Variants in CD48 observed in about 807,000 individuals in gnomAD.
CD48 encodes CD48 molecule, also known as CD48 antigen.
Under a neutral mutation model 22.0 loss-of-function variants are expected in CD48, and 20 were observed. That is an observed-to-expected ratio of 0.91 (90% CI 0.64 to 1.32). The LOEUF is 1.32. Ranked by LOEUF, CD48 falls within the 40% of genes most tolerant of loss-of-function variation. The pLI is 0.00. For missense variants in CD48, 307 were observed against 286.5 expected (o/e 1.07, Z -0.52); for synonymous variants, 110 against 110.1 (o/e 1.00, Z 0.01).
chr1:160,687,781 G>A (rs1298893541), intron 1 of CD48, among the ~76,000 whole-genome samples: 1 of 152,316 alleles, frequency 6.6e-6, no homozygotes, highest in East Asian at 1.9e-4. Context: ...GGAGCCCCCA[G>A]TAGACTTAAT....
chr1:160,684,128 G>A (rs1293534905), intron 2 of CD48: 1 of 152,166 alleles, frequency 6.6e-6, no homozygotes. Context: ...TGAAGCTAGG[G>A]GTTCTGGCCC....
intron 1 of CD48, among the ~76,000 whole-genome samples, chr1:160,701,176 A>T (rs1317874493): frequency 1.0e-4 from 1 of 9,572 alleles, no homozygotes; most frequent in Non-Finnish European, 3.2e-4. Flanking sequence ...AAAGCAATAT[A>T]AAAAAAAATC....
At chr1:160,711,633 G>T in intron 1 of CD48, 49 bp downstream of exon 1, 1 of 1,401,134 alleles carries the variant, frequency 7.1e-7, no homozygotes, top group Non-Finnish European at 1.0e-6. Flanking sequence ...TTTCCCAACT[G>T]ACCATGCCTT....
chr1:160,680,719 G>A (rs955175102), intron 3 of CD48: 10 of 1,020,384 alleles, frequency 9.8e-6, no homozygotes, highest in East Asian at 1.8e-4. Flanking sequence ...CCTCCTCGAC[G>A]GCCTCTCTCA....
At chr1:160,681,642 T>C (rs1223267276) in intron 2 of CD48, among the ~76,000 whole-genome samples, 174 bp from the exon 3 acceptor site, 1 of 152,198 alleles carries the variant, frequency 6.6e-6, no homozygotes, top group African/African-American at 2.4e-5. Context: ...TCCTGAGGCC[T>C]CACAGACTCA....
At chr1:160,687,945 G>T (rs989597311) in intron 1 of CD48, among the ~76,000 whole-genome samples, 23 of 152,178 alleles carry the variant, frequency 1.5e-4, no homozygotes, top group Admixed American at 1.5e-3. Context: ...TACCTAGAAG[G>T]TGTCCTTTGA....
Position 160,678,828 on chromosome 1 carries a change from G to A in CD48, c.*224C>T, listed in dbSNP as rs1661701536. On this transcript the variant is annotated 3_prime_UTR_variant, in exon 4 of 4. Coordinates refer to ENST00000368046, the MANE Select transcript of CD48 (RefSeq NM_001778.4). ...ATAATGTTGTCACAATTTTGGGTGG[G>A]AAAAAAGCATGTGTATCTCTATATC... is the stretch of plus-strand genomic sequence containing the variant. 4.9e-6 allele frequency: 2 copies of A among 405,498 alleles called. No individual in the cohort carries two copies. The highest frequency in any genetic ancestry group is 4.1e-5 in the African/African-American group (2 of 48,892). 25.1% of individuals were successfully genotyped at this position (405,498 alleles called of 1,614,324 possible). A position where few individuals can be genotyped will look rare whatever the true frequency, so the allele number is the denominator to read the frequency against.
At chr1:160,679,196 G>A in intron 3 of CD48, 65 bp from the exon 4 acceptor site, 1 of 1,287,944 alleles carries the variant, frequency 7.8e-7, no homozygotes, top group Non-Finnish European at 1.1e-6. Flanking sequence ...TTGAGAAGGG[G>A]CAAGTGTACT....
rs192552801 is a variant in CD48, at chr1:160,709,319, T to C, written c.82+2363A>G. ...TTCCCAGGTTTTCATCTGTATCGGATTCCGCATGTGTCACAATTGCAAAGC... is the reference window on the plus strand; with the variant it reads ...TTCCCAGGTTTTCATCTGTATCGGACTCCGCATGTGTCACAATTGCAAAGC... On this transcript the variant is annotated intron_variant, in intron 1 of 3. Coordinates refer to ENST00000368046, the MANE Select transcript of CD48 (RefSeq NM_001778.4). 3.2e-3 allele frequency among the ~76,000 whole-genome samples: 494 copies of C among 152,300 alleles called. 1 individual carries two copies. The highest frequency in any genetic ancestry group is 5.5e-3 in the Non-Finnish European group (374 of 68,026).
At chr1:160,710,509 G>T (rs1482811430) in intron 1 of CD48, among the ~76,000 whole-genome samples, 3 of 152,204 alleles carry the variant, frequency 2.0e-5, no homozygotes, top group Non-Finnish European at 4.4e-5. Flanking sequence ...TGACCAAGAT[G>T]AAGCCTAGAA....
At chr1:160,689,006 T>G (rs1662097623) in intron 1 of CD48, among the ~76,000 whole-genome samples, 1 of 152,166 alleles carries the variant, frequency 6.6e-6, no homozygotes, top group Non-Finnish European at 1.5e-5. Flanking sequence ...CTCAAAATTT[T>G]TAGGGCATGG....
intron 3 of CD48, among the ~76,000 whole-genome samples, chr1:160,679,640 G>A (rs1373069995): frequency 6.6e-6 from 1 of 152,146 alleles, no homozygotes; most frequent in Admixed American, 6.5e-5. Context: ...GTGGGGAAGG[G>A]CTGAGCTGGA....
At chr1:160,689,242 A>G (rs1662105236) in intron 1 of CD48, among the ~76,000 whole-genome samples, 1 of 152,198 alleles carries the variant, frequency 6.6e-6, no homozygotes, top group Non-Finnish European at 1.5e-5. Context: ...CATTAAATGC[A>G]GTGCCTTCTT....
At chr1:160,695,344 T>C (rs921908476) in intron 1 of CD48, among the ~76,000 whole-genome samples, 3 of 152,280 alleles carry the variant, frequency 2.0e-5, no homozygotes, top group Non-Finnish European at 2.9e-5. Context: ...GAAAGATAAA[T>C]TAATTGACTG....
chr1:160,682,882 C>T (rs532066367), intron 2 of CD48, among the ~76,000 whole-genome samples: 10 of 152,204 alleles, frequency 6.6e-5, no homozygotes, highest in Non-Finnish European at 1.3e-4. Flanking sequence ...TCTTTTCATT[C>T]TGGTCAGGGT....
At chr1:160,700,037 T>C (rs1345676766) in intron 1 of CD48, among the ~76,000 whole-genome samples, 1 of 152,126 alleles carries the variant, frequency 6.6e-6, no homozygotes, top group East Asian at 1.9e-4. Flanking sequence ...TTTAAAGGTT[T>C]GGGGAAATCC....
chr1:160,691,161 C>T (rs977372369), intron 1 of CD48, among the ~76,000 whole-genome samples: 2 of 152,072 alleles, frequency 1.3e-5, no homozygotes, highest in African/African-American at 2.4e-5. Context: ...AATATGGCCT[C>T]GTGGGAAGGG....
At position 160,681,340 on chromosome 1, in the gene CD48, A is replaced by G. The variant is rs1233362226; in HGVS notation, c.514T>C (p.Phe172Leu). Residue 172 changes from phenylalanine to leucine, a missense_variant, in exon 3 of 4, where the codon TTC becomes CTC. By Grantham distance (22) the Phe-to-Leu change is conservative. Coordinates refer to ENST00000368046, the MANE Select transcript of CD48 (RefSeq NM_001778.4). ...ACACTGTTCTGGAGCTCCTTTGGGA[A>G]GGGCCTTTTGTCCCCATACCAGGTG... ...NYTWYGDKRP[F>L]PKELQNSVLE... 6.2e-7 allele frequency: 1 copy of G among 1,614,082 alleles called. No homozygotes were observed. Among genetic ancestry groups the G allele is most frequent in the East Asian group, 2.2e-5 (1 of 44,904 alleles).
At chr1:160,682,504 G>C (rs1661846263) in intron 2 of CD48, among the ~76,000 whole-genome samples, 1 of 145,246 alleles carries the variant, frequency 6.9e-6, no homozygotes, top group Non-Finnish European at 1.5e-5. Context: ...AGAGAGAGAA[G>C]GGAAGAGAAG....
Sources: gnomAD v4.1 joint callset for allele counts (sites outside exome capture counted in the v4.1 genomes callset) on GRCh38, gnomAD v4.1.1 for gene constraint, MANE v1.5 for transcripts, NCBI Gene and HGNC (gene_info 2026-07-23, HGNC 2026-07-21) for gene names.